Variants in CSMD1 observed in about 807,000 individuals in gnomAD.
The protein encoded by CSMD1 is CUB and Sushi multiple domains 1, also known as CUB and sushi domain-containing protein 1.
CSMD1 carries 213 observed loss-of-function variants against 417.5 expected under a neutral mutation model. That is an observed-to-expected ratio of 0.51 (90% CI 0.46 to 0.57). The LOEUF (loss-of-function observed/expected upper bound fraction) is 0.57. Ranked by LOEUF, CSMD1 falls within the 20% of genes least tolerant of loss-of-function variation. CSMD1 has a pLI of 0.00. For synonymous variants in CSMD1, 2,862 were observed against 1,736.8 expected, an observed-to-expected ratio of 1.65 and a Z score of -16.11; for missense variants, 6,923 against 4,529.7, an observed-to-expected ratio of 1.53 and a Z score of -15.17.
At chr8:3,285,104 C>G (rs1295930632) in intron 25 of CSMD1, among the ~76,000 whole-genome samples, 1 of 152,038 alleles carries the variant, frequency 6.6e-6, no homozygotes, top group Admixed American at 6.6e-5. Flanking sequence ...AATTAGCAGC[C>G]CTGAATGGGT....
At chr8:2,977,052 T>TAA (rs200616883) in intron 55 of CSMD1, among the ~76,000 whole-genome samples, 4 of 147,930 alleles carry the variant, frequency 2.7e-5, no homozygotes, top group African/African-American at 7.4e-5. Flanking sequence ...GAGGTTTTTT[T>TAA]AAAAAAAAAA....
At chr8:3,129,261 C>T (rs1196930107) in intron 41 of CSMD1, among the ~76,000 whole-genome samples, 1 of 152,188 alleles carries the variant, frequency 6.6e-6, no homozygotes, top group Non-Finnish European at 1.5e-5. Context: ...ATTCTAAATA[C>T]TGATAATTGA....
intron 5 of CSMD1, among the ~76,000 whole-genome samples, chr8:3,879,485 G>C (rs1309089156): frequency 6.6e-6 from 1 of 152,074 alleles, no homozygotes; most frequent in African/African-American, 2.4e-5. Context: ...CTTAGAAATG[G>C]GACAGAGACC....
intron 2 of CSMD1, among the ~76,000 whole-genome samples, chr8:4,550,329 G>GCACACACACA (rs35196172): frequency 2.1e-5 from 3 of 139,620 alleles, no homozygotes; most frequent in Non-Finnish European, 4.7e-5. Flanking sequence ...ATACACACAC[G>GCACACACACA]CACACACACA....
intron 3 of CSMD1, among the ~76,000 whole-genome samples, chr8:4,149,539 C>T (rs918666474): frequency 6.6e-6 from 1 of 152,032 alleles, no homozygotes. Context: ...CAATACTAAC[C>T]AAAAATATTT....
intron 12 of CSMD1, among the ~76,000 whole-genome samples, chr8:3,413,901 G>T (rs2116940368): frequency 6.6e-6 from 1 of 152,132 alleles, no homozygotes; most frequent in South Asian, 2.1e-4. Flanking sequence ...CACTTTGGAA[G>T]GCCGAGGTGG....
intron 3 of CSMD1, among the ~76,000 whole-genome samples, chr8:4,186,926 G>T (rs765875022): frequency 2.4e-4 from 36 of 152,012 alleles, no homozygotes; most frequent in African/African-American, 8.7e-4. Context: ...AACCCACGAG[G>T]CAGAGATTGC....
intron 2 of CSMD1, among the ~76,000 whole-genome samples, chr8:4,513,604 G>T (rs1376971153): frequency 6.6e-6 from 1 of 152,184 alleles, no homozygotes; most frequent in African/African-American, 2.4e-5. Flanking sequence ...AATGGAGCAT[G>T]TAAAAGATAA....
intron 5 of CSMD1, among the ~76,000 whole-genome samples, chr8:3,919,205 AAAAAAG>A (rs1809047908): frequency 1.3e-5 from 2 of 148,702 alleles, no homozygotes; most frequent in African/African-American, 2.5e-5. Context: ...AAAAAAAAAA[AAAAAAG>A]AAAGAAATCA....
intron 4 of CSMD1, among the ~76,000 whole-genome samples, chr8:4,006,778 C>T (rs964391915): frequency 6.6e-5 from 10 of 151,418 alleles, no homozygotes; most frequent in Middle Eastern, 3.2e-3. Context: ...GCTTATATCA[C>T]CATTCATATT....
At chr8:3,731,428 A>C (rs1453091201) in intron 6 of CSMD1, among the ~76,000 whole-genome samples, 3 of 152,192 alleles carry the variant, frequency 2.0e-5, no homozygotes, top group Non-Finnish European at 2.9e-5. Flanking sequence ...TTTACCTGGC[A>C]TGGTCATGAT....
chr8:4,200,824 C>G (rs147655844), intron 3 of CSMD1, among the ~76,000 whole-genome samples: 1 of 152,208 alleles, frequency 6.6e-6, no homozygotes, highest in South Asian at 2.1e-4. Flanking sequence ...GGCCACTGCA[C>G]TCTCGCCTGA....
chr8:3,133,800 C>T (rs1032463560), intron 41 of CSMD1, among the ~76,000 whole-genome samples: 7 of 152,198 alleles, frequency 4.6e-5, no homozygotes, highest in African/African-American at 9.6e-5. Flanking sequence ...TGCCAGGCTG[C>T]GCTGCAGCTG....
chr8:3,402,879 T>C (rs892231540), intron 15 of CSMD1, among the ~76,000 whole-genome samples: 2 of 152,136 alleles, frequency 1.3e-5, no homozygotes, highest in Non-Finnish European at 2.9e-5. Context: ...TATTTTTTGA[T>C]CATTTTGTTC....
At chr8:3,256,806 A>G (rs535944979) in intron 26 of CSMD1, among the ~76,000 whole-genome samples, 114 of 152,326 alleles carry the variant, frequency 7.5e-4, no homozygotes, top group Admixed American at 1.3e-3. Flanking sequence ...TTCTTGTAAG[A>G]ACACTCTGAG....
chr8:4,835,652 G>A (rs1038860878), intron 1 of CSMD1, among the ~76,000 whole-genome samples: 3 of 152,080 alleles, frequency 2.0e-5, no homozygotes, highest in South Asian at 2.1e-4. Flanking sequence ...GAAAGACATC[G>A]GTGAGTTTGC....
chr8:3,493,961 TC>T (rs1412667263), intron 10 of CSMD1, among the ~76,000 whole-genome samples: 1 of 152,216 alleles, frequency 6.6e-6, no homozygotes, highest in African/African-American at 2.4e-5. Context: ...TATTTTCACC[TC>T]TAAAAATGAA....
chr8:3,164,012 T>G (rs1290614771), intron 37 of CSMD1, among the ~76,000 whole-genome samples: 2 of 152,174 alleles, frequency 1.3e-5, no homozygotes, highest in Non-Finnish European at 2.9e-5. Context: ...GTAAGAGATG[T>G]GTTCACCAGT....
intron 52 of CSMD1, among the ~76,000 whole-genome samples, chr8:3,013,404 T>C (rs1808568094): frequency 6.6e-6 from 1 of 152,182 alleles, no homozygotes; most frequent in African/African-American, 2.4e-5. Context: ...ATTTTAAATA[T>C]TTGAAAATAG....
Sources: gnomAD v4.1 joint callset for allele counts (sites outside exome capture counted in the v4.1 genomes callset) on GRCh38, gnomAD v4.1.1 for gene constraint, MANE v1.5 for transcripts, NCBI Gene and HGNC (gene_info 2026-07-23, HGNC 2026-07-21) for gene names.